MAST1: variants seen among roughly 807,000 people sequenced by gnomAD.
MAST1 encodes the protein microtubule-associated serine/threonine-protein kinase 1.
MAST1 carries 40 observed loss-of-function variants against 124.6 expected under a neutral mutation model. That is an observed-to-expected ratio of 0.32 (90% CI 0.25 to 0.42). MAST1 has a LOEUF of 0.42. MAST1 is among the 10% of genes least tolerant of loss of function. The pLI is 1.00. For missense variants in MAST1, 1,558 were observed against 2,181.9 expected (o/e 0.71, Z 5.70); for synonymous variants, 938 against 939.4 (o/e 1.00, Z 0.03).
At chr19:12,854,175 G>T (rs1969995118) in intron 10 of MAST1, among the ~76,000 whole-genome samples, 1 of 148,646 alleles carries the variant, frequency 6.7e-6, no homozygotes, top group African/African-American at 2.5e-5. Context: ...CCAGGCTGGA[G>T]TGCAATGGCG....
intron 1 of MAST1, among the ~76,000 whole-genome samples, chr19:12,839,285 C>T (rs1032924647): frequency 6.6e-6 from 1 of 152,070 alleles, no homozygotes; most frequent in Middle Eastern, 3.2e-3. Context: ...CATACCTAGC[C>T]TTGCAGCTGC....
chr19:12,870,807 G>C lies in MAST1; in HGVS notation c.3004-17G>C. The C allele has an allele frequency of 6.3e-7, 1 of 1,591,940 alleles. No homozygotes were observed. Among genetic ancestry groups the C allele is most frequent in the Non-Finnish European group, 8.6e-7 (1 of 1,167,872 alleles). ...CAATCCCACTAACCCTGTCCCTATG[G>C]GGTGCTCTTTTCCCAGCATGTGGAG... On this transcript the variant is annotated splice_polypyrimidine_tract_variant and intron_variant, in intron 22 of 25. Transcript: ENST00000251472.
chr19:12,849,749 G>A (rs1001689147), intron 7 of MAST1, among the ~76,000 whole-genome samples: 1 of 152,126 alleles, frequency 6.6e-6, no homozygotes, highest in African/African-American at 2.4e-5. Context: ...GGCTGAGGCA[G>A]GAGGATCACT....
rs1339761120 is a variant in MAST1, at chr19:12,841,513, G to T, written c.248+447G>T. On this transcript the variant is annotated intron_variant, in intron 3 of 25. Coordinates refer to ENST00000251472, the MANE Select transcript of MAST1 (RefSeq NM_014975.3). This position sits in a 1 kb window ranked among gnomAD's most constrained non-coding sequence, Gnocchi z 4.3. The stretch of plus-strand genomic sequence containing the variant: ...GGAGGAATCTCAGGTTTCTTTCCAA[G>T]GGTCTCTTAGGGTTTCTGGGGTGTC... Among the ~76,000 whole-genome samples, 1 of 152,246 alleles carries T rather than the reference G, an allele frequency of 6.6e-6. No individual in the cohort carries two copies. Among genetic ancestry groups the T allele is most frequent in the Non-Finnish European group, 1.5e-5 (1 of 68,030 alleles).
At chr19:12,863,158 CAAAAAAAAA>C (rs749539925) in intron 12 of MAST1, among the ~76,000 whole-genome samples, 4 of 44,140 alleles carry the variant, frequency 9.1e-5, no homozygotes, top group South Asian at 1.1e-3. Flanking sequence ...GACTCTGACT[CAAAAAAAAA>C]AAAAAAAAAA....
chr19:12,847,762 C>G lies in MAST1; in HGVS notation c.564+75C>G. 1 of 1,587,040 alleles carries G rather than the reference C, an allele frequency of 6.3e-7. No homozygotes were observed. The highest frequency in any genetic ancestry group is 1.1e-5 in the South Asian group (1 of 89,870). The stretch of plus-strand genomic sequence containing the variant: ...TCGCTCGCCTTATCCCCGCGCGCCC[C>G]CTGGCGGCCTCGGTGCGCAGCGCAG... On this transcript the variant is annotated intron_variant, in intron 6 of 25. Coordinates refer to ENST00000251472, the MANE Select transcript of MAST1 (RefSeq NM_014975.3). This position sits in a 1 kb window ranked among gnomAD's most constrained non-coding sequence, Gnocchi z 5.5.
intron 12 of MAST1, among the ~76,000 whole-genome samples, chr19:12,860,839 C>G (rs1970072459): frequency 6.6e-6 from 1 of 152,028 alleles, no homozygotes; most frequent in South Asian, 2.1e-4. Context: ...TATTATGACA[C>G]ATACATGATC....
Position 12,852,098 on chromosome 19 carries a change from C to T in MAST1, c.877-17C>T, listed in dbSNP as rs755259094. 2 of 1,613,548 alleles carry T rather than the reference C, an allele frequency of 1.2e-6. No individual in the cohort carries two copies. Among genetic ancestry groups the T allele is most frequent in the Non-Finnish European group, 1.7e-6 (2 of 1,179,742 alleles). ...ACCCTGGGAGCCTGTGGTGAGCCCA[C>T]TCCTGCCCTGCCTCAGGAATTCAAC... On this transcript the variant is annotated splice_polypyrimidine_tract_variant and intron_variant, in intron 8 of 25. Transcript: ENST00000251472.
In MAST1 at chr19:12,852,471, C is replaced by G. The variant is rs2077544; in HGVS notation, c.1077+76C>G. ...GTGGGGCTCATCTCCGGCTTCTTTG[C>G]CCTCAGGCTTTGTGGATCTCTTGGT... On this transcript the variant is annotated intron_variant, in intron 10 of 25. Coordinates refer to ENST00000251472, the MANE Select transcript of MAST1 (RefSeq NM_014975.3). The G allele has an allele frequency of 6.5e-6, 9 of 1,393,636 alleles. No individual in the cohort carries two copies. In the African/African-American group the frequency reaches 1.1e-4, roughly 18 times the overall value. The allele number at this position is 1,393,636 out of a possible 1,614,324, so 86.3% of individuals were successfully genotyped here. A position where few individuals can be genotyped will look rare whatever the true frequency, so the allele number is the denominator to read the frequency against.
chr19:12,848,744 G>A (rs1969927506), intron 7 of MAST1: 1 of 152,228 alleles, frequency 6.6e-6, no homozygotes, highest in Admixed American at 6.5e-5. Flanking sequence ...GATCACCTGA[G>A]GTCAGGAGTT....
chr19:12,853,132 G>A (rs867999456), intron 10 of MAST1, among the ~76,000 whole-genome samples: 5 of 150,764 alleles, frequency 3.3e-5, no homozygotes, highest in Admixed American at 6.6e-5. Context: ...CACCACACCC[G>A]GCTAATTTTG....
rs750816789 is a variant in MAST1, at chr19:12,864,885, G to A, written c.1443G>A (p.Thr481=). The stretch of plus-strand genomic sequence containing the variant: ...TGGCCCGCATGTACTTTGCTGAGAC[G>A]GTGCTAGCCCTGGAGTATTTGCACA... The part of the protein sequence containing the change: ...VEMARMYFAE[T]VLALEYLHNY... Residue 481 remains threonine (T), a synonymous_variant, in exon 13 of 26, where the codon ACG becomes ACA. Transcript: ENST00000251472. 1.2e-5 allele frequency: 19 copies of A among 1,614,064 alleles called. No individual in the cohort carries two copies. Among genetic ancestry groups the A allele is most frequent in the Non-Finnish European group, 1.5e-5 (18 of 1,180,022 alleles).
chr19:12,870,040 G>C (rs1040692688), intron 22 of MAST1, among the ~76,000 whole-genome samples: 2 of 148,972 alleles, frequency 1.3e-5, no homozygotes, highest in Admixed American at 6.8e-5. Context: ...AATTAGCTGG[G>C]CATGGTGGTG....
intron 21 of MAST1, 25 bp downstream of exon 21, chr19:12,868,874 G>T: frequency 1.9e-6 from 3 of 1,557,880 alleles, no homozygotes; most frequent in South Asian, 2.4e-5. Context: ...CACCTGGCAG[G>T]GGAGGGGCTG....
chr19:12,854,123 CTTT>C (rs533163138), intron 10 of MAST1, among the ~76,000 whole-genome samples: 4 of 126,672 alleles, frequency 3.2e-5, no homozygotes, highest in Non-Finnish European at 3.3e-5. Context: ...CTGGATATTT[CTTT>C]TTTTTTTTTT....
Position 12,873,765 on chromosome 19 carries a change from C to T in MAST1, c.3608C>T (p.Pro1203Leu). Residue 1203 changes from proline (P) to leucine (L), a missense_variant, in exon 26 of 26, where the codon CCT becomes CTT. By Grantham distance (98) the Pro-to-Leu change is moderately conservative. Around this residue, in one of 10 missense-constraint regions of MAST1, gnomAD observed 291 missense variants for 475.8 expected, o/e 0.61. Transcript: ENST00000251472. ...SARCKSAGNI[P>L]LSPLAHTPSP... is the part of the protein sequence containing the mutation. ...CGATGCAAGTCGGCCGGCAACATCC[C>T]TCTATCGCCGCTGGCACACACGCCG... 1 of 1,600,794 alleles carries T rather than the reference C, an allele frequency of 6.2e-7. No individual in the cohort carries two copies. Among genetic ancestry groups the T allele is most frequent in the Non-Finnish European group, 8.5e-7 (1 of 1,179,150 alleles).
chr19:12,864,228 T>G (rs1368140410), intron 12 of MAST1, among the ~76,000 whole-genome samples: 1 of 151,924 alleles, frequency 6.6e-6, no homozygotes, highest in Non-Finnish European at 1.5e-5. Flanking sequence ...TGCCCAGCCT[T>G]GAACAATTTT....
intron 10 of MAST1, among the ~76,000 whole-genome samples, chr19:12,857,354 C>T: frequency 6.6e-6 from 1 of 152,034 alleles, no homozygotes; most frequent in Non-Finnish European, 1.5e-5. Flanking sequence ...GGTGATCCGC[C>T]CGCCTTGGCC....
chr19:12,861,987 C>T (rs576677001), intron 12 of MAST1, among the ~76,000 whole-genome samples: 11 of 148,914 alleles, frequency 7.4e-5, no homozygotes, highest in Non-Finnish European at 1.6e-4. Flanking sequence ...AGGAGTGAGC[C>T]ACCGTGCCTG....
Sources: gnomAD v4.1 joint callset for allele counts (sites outside exome capture counted in the v4.1 genomes callset) on GRCh38, gnomAD v4.1.1 for gene constraint, gnomAD v4.1.1 regional missense constraint, Gnocchi (gnomAD v3.1) non-coding constraint, MANE v1.5 for transcripts, NCBI Gene and HGNC (gene_info 2026-07-23, HGNC 2026-07-21) for gene names.